CADM2: variants seen among roughly 807,000 people sequenced by gnomAD.
CADM2 encodes cell adhesion molecule 2, also known as immunoglobulin superfamily member 4D.
A neutral mutation model predicts 49.8 loss-of-function variants in CADM2; 12 were observed. That is an observed-to-expected ratio of 0.24 (90% CI 0.15 to 0.39). The LOEUF (loss-of-function observed/expected upper bound fraction) is 0.39. Ranked by LOEUF, CADM2 falls within the 10% of genes least tolerant of loss-of-function variation. The pLI, the probability that CADM2 is intolerant of heterozygous loss-of-function variation, is 1.00. For synonymous variants in CADM2, 214 were observed against 175.4 expected, an observed-to-expected ratio of 1.22 and a Z score of -1.74; for missense variants, 378 against 492.3, an observed-to-expected ratio of 0.77 and a Z score of 2.20.
intron 1 of CADM2, among the ~76,000 whole-genome samples, chr3:85,040,365 A>G (rs373755173): frequency 1.5e-4 from 23 of 152,276 alleles, no homozygotes; most frequent in Non-Finnish European, 2.5e-4. Flanking sequence ...ATGTTTGTTT[A>G]TTTGTTTGTT....
intron 1 of CADM2, among the ~76,000 whole-genome samples, chr3:85,227,088 A>G (rs1369063268): frequency 6.6e-6 from 1 of 152,168 alleles, no homozygotes; most frequent in Non-Finnish European, 1.5e-5. Context: ...TGCTAAGAAG[A>G]ATGTATATTC....
At chr3:85,630,775 GAAATCTCA>G (rs1559954400) in intron 1 of CADM2, among the ~76,000 whole-genome samples, 1 of 151,972 alleles carries the variant, frequency 6.6e-6, no homozygotes, top group African/African-American at 2.4e-5. Context: ...TTCACCTCTT[GAAATCTCA>G]AAATGCCAAT....
intron 1 of CADM2, among the ~76,000 whole-genome samples, chr3:85,182,592 T>C (rs750897296): frequency 2.8e-4 from 43 of 152,200 alleles, no homozygotes; most frequent in Non-Finnish European, 4.7e-4. Flanking sequence ...ACATTGTATG[T>C]TAGCTTGGAC....
chr3:85,487,555 G>A (rs2039472629), intron 1 of CADM2, among the ~76,000 whole-genome samples: 1 of 148,516 alleles, frequency 6.7e-6, no homozygotes, highest in African/African-American at 2.6e-5. Context: ...ACGAGGAGGA[G>A]GAGGAGGAAT....
chr3:85,744,146 G>T (rs1043830527), intron 2 of CADM2, among the ~76,000 whole-genome samples: 4 of 152,100 alleles, frequency 2.6e-5, no homozygotes, highest in Admixed American at 6.6e-5. Context: ...TAGGGCAACT[G>T]CTACTTAAAC....
intron 1 of CADM2, among the ~76,000 whole-genome samples, chr3:85,145,002 C>T (rs1186060390): frequency 6.6e-6 from 1 of 152,096 alleles, no homozygotes; most frequent in African/African-American, 2.4e-5. Flanking sequence ...TCTTTCTAAA[C>T]AGTCAGTTTA....
chr3:85,486,743 C>A (rs2039432969), intron 1 of CADM2, among the ~76,000 whole-genome samples: 3 of 151,996 alleles, frequency 2.0e-5, no homozygotes, highest in Admixed American at 2.0e-4. Flanking sequence ...TAATGGAAAA[C>A]TCTCAGGAGG....
At chr3:86,021,390 C>G (rs1733153125) in intron 8 of CADM2, among the ~76,000 whole-genome samples, 1 of 152,010 alleles carries the variant, frequency 6.6e-6, no homozygotes. Context: ...GAATATATTT[C>G]CTTCTGTCCT....
chr3:85,459,953 G>A lies in CADM2; in HGVS notation c.62-266569G>A, dbSNP rs147865219. 1.6e-4 allele frequency among the ~76,000 whole-genome samples: 24 copies of A among 152,226 alleles called. 1 individual carries two copies. Among genetic ancestry groups the A allele is most frequent in the Middle Eastern group, 6.8e-3 (2 of 294 alleles). On this transcript the variant is annotated intron_variant, in intron 1 of 9. Coordinates refer to ENST00000383699, the MANE Select transcript of CADM2 (RefSeq NM_001167675.2). ...TTATTTCTATTTTGTATCTGCCAGA[G>A]TAAAAAAGATTAACATATTTTAAAG...
intron 8 of CADM2, among the ~76,000 whole-genome samples, chr3:85,996,727 T>C (rs1199391478): frequency 6.6e-6 from 1 of 152,160 alleles, no homozygotes. Flanking sequence ...CAGATGTATA[T>C]TATACATTAT....
At chr3:85,336,942 T>TATATATATATTTA (rs1190112939) in intron 1 of CADM2, among the ~76,000 whole-genome samples, 2 of 50,322 alleles carry the variant, frequency 4.0e-5, no homozygotes, top group African/African-American at 7.9e-5. Context: ...ATGAACTAAA[T>TATATATATATTTA]ATATATATAT....
chr3:86,066,565 C>T, intron 9 of CADM2, 100 bp from the exon 10 acceptor site: 1 of 900,004 alleles, frequency 1.1e-6, no homozygotes. Flanking sequence ...TATTAGGTCT[C>T]AAAAATCTGG....
intron 1 of CADM2, among the ~76,000 whole-genome samples, chr3:85,131,374 C>T (rs1354064320): frequency 6.6e-6 from 1 of 151,822 alleles, no homozygotes; most frequent in East Asian, 1.9e-4. Flanking sequence ...CCTCAATGTC[C>T]AAAGACACAG....
At chr3:86,042,648 G>T (rs1334544671) in intron 8 of CADM2, among the ~76,000 whole-genome samples, 2 of 152,172 alleles carry the variant, frequency 1.3e-5, no homozygotes, top group East Asian at 3.9e-4. Flanking sequence ...TCTACCAGAG[G>T]TACAAGGAGG....
chr3:85,490,698 T>A (rs919735028), intron 1 of CADM2, among the ~76,000 whole-genome samples: 1 of 152,210 alleles, frequency 6.6e-6, no homozygotes, highest in African/African-American at 2.4e-5. Flanking sequence ...GACCCACTGT[T>A]ATTACTGATA....
At chr3:85,861,442 G>C (rs1017234927) in intron 3 of CADM2, among the ~76,000 whole-genome samples, 1 of 152,104 alleles carries the variant, frequency 6.6e-6, no homozygotes, top group Admixed American at 6.6e-5. Context: ...ATAAAATGGA[G>C]TGGGAAAATT....
intron 6 of CADM2, among the ~76,000 whole-genome samples, chr3:85,919,396 A>C (rs1335807640): frequency 6.6e-6 from 1 of 151,992 alleles, no homozygotes; most frequent in Non-Finnish European, 1.5e-5. Context: ...GGCTGAAGGA[A>C]AGGAGGAAGG....
intron 1 of CADM2, among the ~76,000 whole-genome samples, chr3:85,439,683 G>A (rs2107539954): frequency 6.6e-6 from 1 of 151,652 alleles, no homozygotes; most frequent in African/African-American, 2.4e-5. Flanking sequence ...CATGTGTTTT[G>A]GGCCACTTGA....
intron 1 of CADM2, among the ~76,000 whole-genome samples, chr3:85,084,998 A>G (rs1231425687): frequency 6.6e-6 from 1 of 152,124 alleles, no homozygotes; most frequent in African/African-American, 2.4e-5. Context: ...GTTTTGATAT[A>G]TGTTTACCTC....
Sources: allele counts gnomAD v4.1 joint callset (sites outside exome capture counted in the v4.1 genomes callset), GRCh38; gene constraint gnomAD v4.1.1; transcripts MANE v1.5; gene names NCBI Gene and HGNC (gene_info 2026-07-23, HGNC 2026-07-21).